The following ELP3 variants were observed in gnomAD, a reference collection of about 807,000 sequenced individuals.
The protein encoded by ELP3 is elongator acetyltransferase complex subunit 3, also known as elongator complex protein 3.
In ELP3, 56 loss-of-function variants were observed where a neutral mutation model predicts 74.9. That is an observed-to-expected ratio of 0.75 (90% CI 0.60 to 0.93). The LOEUF (loss-of-function observed/expected upper bound fraction) is 0.93, where lower values mean the gene tolerates loss of function less well. ELP3 is among the 40% of genes least tolerant of loss of function. The pLI, the probability that ELP3 is intolerant of heterozygous loss-of-function variation, is 0.00. For synonymous variants in ELP3, 222 were observed against 239.8 expected (o/e 0.93, Z 0.68); for missense variants, 573 against 686.5 (o/e 0.83, Z 1.85).
intron 9 of ELP3, among the ~76,000 whole-genome samples, chr8:28,136,198 G>A (rs968454000): frequency 2.0e-5 from 3 of 152,120 alleles, no homozygotes; most frequent in Admixed American, 6.5e-5. Context: ...CTGACCTCAG[G>A]TGATCCACCT....
At chr8:28,151,219 C>G (rs186047918) in intron 10 of ELP3, among the ~76,000 whole-genome samples, 1 of 152,308 alleles carries the variant, frequency 6.6e-6, no homozygotes, top group East Asian at 1.9e-4. Context: ...CCATGTCTGT[C>G]TACTAATAAG....
chr8:28,092,037 T>TAAATATGC (rs1399752659), upstream of ELP3, among the ~76,000 whole-genome samples: 6 of 152,278 alleles, frequency 3.9e-5, no homozygotes, highest in Middle Eastern at 3.4e-3. Flanking sequence ...CTACCTACTG[T>TAAATATGC]AAATTTGCAT....
chr8:28,093,471 A>C (rs2130329461), intron 1 of ELP3: 1 of 589,668 alleles, frequency 1.7e-6, no homozygotes, highest in Non-Finnish European at 3.0e-6. Context: ...GTCTTGTTTG[A>C]ATGGCAGGGA....
At position 28,121,583 on chromosome 8, in the gene ELP3, G is replaced by A. The variant is rs1417350321; in HGVS notation, c.618-7919G>A. ...GATCCGCCCACTTCGGCCTCCCAAA[G>A]TGCTGGGATTACAGGTGTGAGCCAC... On this transcript the variant is annotated intron_variant, in intron 7 of 14. Transcript: ENST00000256398. Among the ~76,000 whole-genome samples the A allele has an allele frequency of 2.6e-5, 4 of 152,128 alleles. No individual in the cohort carries two copies. In the East Asian group the frequency reaches 5.8e-4, roughly 22 times the overall value.
chr8:28,135,471 G>A (rs1812949950), intron 9 of ELP3, among the ~76,000 whole-genome samples: 1 of 152,178 alleles, frequency 6.6e-6, no homozygotes, highest in African/African-American at 2.4e-5. Context: ...CAGGAAGTTG[G>A]TTGCTGACAT....
intron 7 of ELP3, among the ~76,000 whole-genome samples, chr8:28,127,822 A>G (rs980115792): frequency 3.3e-5 from 5 of 152,192 alleles, no homozygotes; most frequent in Non-Finnish European, 5.9e-5. Context: ...GCCTGTGGTA[A>G]TCCTACCTAA....
At chr8:28,110,568 T>A in intron 6 of ELP3, 130 bp downstream of exon 6, 1 of 771,630 alleles carries the variant, frequency 1.3e-6, no homozygotes. Context: ...AAGTTTTCAA[T>A]ATCCATTTGA....
intron 9 of ELP3, 112 bp from the exon 10 acceptor site, chr8:28,137,586 G>T: frequency 9.9e-7 from 1 of 1,007,622 alleles, no homozygotes; most frequent in Non-Finnish European, 1.5e-6. Flanking sequence ...AGAAGCAAAG[G>T]CTGCCCCAGG....
intron 3 of ELP3, among the ~76,000 whole-genome samples, chr8:28,100,659 A>C (rs1490063612): frequency 6.6e-6 from 1 of 152,256 alleles, no homozygotes; most frequent in Non-Finnish European, 1.5e-5. Flanking sequence ...AATAGGAAAC[A>C]AAAGTTTTGA....
chr8:28,103,365 G>T (rs766269919), intron 3 of ELP3, among the ~76,000 whole-genome samples: 5 of 152,100 alleles, frequency 3.3e-5, no homozygotes, highest in African/African-American at 4.8e-5. Context: ...AGTCTGCCAT[G>T]TCTTTTTGTG....
At chr8:28,124,534 T>G (rs1812499018) in intron 7 of ELP3, among the ~76,000 whole-genome samples, 1 of 152,220 alleles carries the variant, frequency 6.6e-6, no homozygotes, top group African/African-American at 2.4e-5. Context: ...TTTCTGACAA[T>G]CATTTTCTAT....
At chr8:28,099,500 C>T (rs1482061228) in intron 2 of ELP3, among the ~76,000 whole-genome samples, 2 of 152,148 alleles carry the variant, frequency 1.3e-5, no homozygotes, top group African/African-American at 4.8e-5. Context: ...ATCAGTAGTG[C>T]TGAGGTTGAG....
At chr8:28,116,588 A>C (rs917089894) in intron 7 of ELP3, among the ~76,000 whole-genome samples, 3 of 152,128 alleles carry the variant, frequency 2.0e-5, no homozygotes, top group African/African-American at 4.8e-5. Context: ...AAAAATGTAA[A>C]AATTAGCTGG....
rs568992354 is a variant in ELP3, at chr8:28,130,200, G to A, written c.779+537G>A. Among the ~76,000 whole-genome samples the A allele has an allele frequency of 5.3e-5, 8 of 152,278 alleles. No homozygotes were observed. In the South Asian group the frequency reaches 1.0e-3, roughly 20 times the overall value. On this transcript the variant is annotated intron_variant, in intron 8 of 14. Transcript: ENST00000256398. ...TCTTTTAGTTGAAAAGAAAATACCC[G>A]CGAAAGGTTAACTGTATAAGGAACT...
upstream of ELP3, among the ~76,000 whole-genome samples, chr8:28,091,823 G>T (rs1253544780): frequency 2.6e-5 from 4 of 152,238 alleles, no homozygotes; most frequent in Non-Finnish European, 5.9e-5. Flanking sequence ...TCTGTGGCCT[G>T]TGGTTTTTCC....
intron 10 of ELP3, among the ~76,000 whole-genome samples, chr8:28,138,943 C>T (rs1198255320): frequency 6.6e-6 from 1 of 152,046 alleles, no homozygotes; most frequent in Non-Finnish European, 1.5e-5. Flanking sequence ...CTTGTGTGGC[C>T]CTTCCCCTTG....
intron 5 of ELP3, 105 bp downstream of exon 5, chr8:28,108,081 GT>G: frequency 2.1e-6 from 2 of 942,392 alleles, no homozygotes; most frequent in Admixed American, 2.7e-5. Context: ...TTTTGTTTTT[GT>G]TTTTTTCTGA....
In ELP3 at chr8:28,121,325, T is replaced by A. The variant is rs899461533; in HGVS notation, c.617+8152T>A. ...TTAAATTTTATTATTATTATTATTA[T>A]TTTTTTTTTTTTGAATCGGAGTCTT... On this transcript the variant is annotated intron_variant, in intron 7 of 14. Coordinates refer to ENST00000256398, the MANE Select transcript of ELP3 (RefSeq NM_018091.6). Among the ~76,000 whole-genome samples, 31 of 135,120 alleles carry A rather than the reference T, an allele frequency of 2.3e-4. 1 individual carries two copies. Among genetic ancestry groups the A allele is most frequent in the African/African-American group, 7.0e-4 (26 of 37,198 alleles). The allele number at this position is 135,120 out of a possible 152,430, so 88.6% of individuals were successfully genotyped here.
At chr8:28,138,532 C>T (rs10503824) in intron 10 of ELP3, among the ~76,000 whole-genome samples, 6,485 of 152,164 alleles carry the variant, frequency 0.043, 465 homozygotes, top group African/African-American at 0.15. Flanking sequence ...ACAATCCTAA[C>T]AAAGCCAATT....
Sources: allele counts gnomAD v4.1 joint callset (sites outside exome capture counted in the v4.1 genomes callset), GRCh38; gene constraint gnomAD v4.1.1; transcripts MANE v1.5; gene names NCBI Gene and HGNC (gene_info 2026-07-23, HGNC 2026-07-21).